PDZD7: variants seen among roughly 807,000 people sequenced by gnomAD.
PDZD7 encodes PDZ domain containing 7, also known as PDZ domain-containing protein 7.
A neutral mutation model predicts 84.7 loss-of-function variants in PDZD7; 72 were observed. That is an observed-to-expected ratio of 0.85 (90% CI 0.70 to 1.03). The LOEUF (loss-of-function observed/expected upper bound fraction) is 1.03, where lower values mean the gene tolerates loss of function less well. Among genes scored for constraint, PDZD7 ranks in the 50% least tolerant of loss-of-function variants. PDZD7 has a pLI of 0.00. For synonymous variants in PDZD7, 594 were observed against 580.7 expected, an observed-to-expected ratio of 1.02 and a Z score of -0.33; for missense variants, 1,490 against 1,412.9, an observed-to-expected ratio of 1.05 and a Z score of -0.87.
chr10:101,020,175 T>C (rs941344728), intron 7 of PDZD7, among the ~76,000 whole-genome samples: 3 of 152,124 alleles, frequency 2.0e-5, no homozygotes, highest in African/African-American at 7.2e-5. Flanking sequence ...CAATGGCATC[T>C]CTGCTCACTG....
At chr10:101,029,635 C>T (rs780318032) in intron 2 of PDZD7, among the ~76,000 whole-genome samples, 5 of 152,208 alleles carry the variant, frequency 3.3e-5, no homozygotes, top group South Asian at 2.1e-4. Flanking sequence ...CCCCATCCCC[C>T]AGAAGTACAC....
chr10:101,022,153 C>T lies in PDZD7; in HGVS notation c.719+56G>A, dbSNP rs1853146060. 8 of 1,608,922 alleles carry T rather than the reference C, an allele frequency of 5.0e-6. No individual in the cohort carries two copies. In the Admixed American group the frequency reaches 1.0e-4, roughly 20 times the overall value. ...CATCCCCACATCCCAGCCTAGGCCC[C>T]ACTCCAGACCCCATTCTCAGTTCTA... On this transcript the variant is annotated intron_variant, in intron 5 of 16. Transcript: ENST00000619208.
chr10:101,018,728 G>T, intron 8 of PDZD7, 94 bp downstream of exon 8: 3 of 1,439,898 alleles, frequency 2.1e-6, no homozygotes, highest in Non-Finnish European at 2.8e-6. Context: ...GTCAAGGCCT[G>T]GGGCAAAGGG....
At chr10:101,009,832 C>T (rs1306068980) in intron 15 of PDZD7, among the ~76,000 whole-genome samples, 2 of 152,124 alleles carry the variant, frequency 1.3e-5, no homozygotes, top group Non-Finnish European at 2.9e-5. Context: ...GTCTTGAACT[C>T]CTGACCTCAG....
At position 101,023,442 on chromosome 10, in the gene PDZD7, G is replaced by A. The variant is rs773601687; in HGVS notation, c.536C>T (p.Thr179Ile). Residue 179 changes from threonine to isoleucine, a missense_variant, in exon 4 of 17, where the codon ACC (threonine) becomes ATC (isoleucine). By Grantham distance (89) the Thr-to-Ile change is moderately conservative (BLOSUM62 -1). Coordinates refer to ENST00000619208, the MANE Select transcript of PDZD7 (RefSeq NM_001195263.2). ...VPGIKFSKEKTTWVDVVNRRL... is the reference protein window; with the variant it reads ...VPGIKFSKEKITWVDVVNRRL... ...TGAGGGAGTTGCTGCTCACCACGTG[G>A]TCTTCTCCTTGGAGAACTTGATGCC... The A allele has an allele frequency of 6.2e-7, 1 of 1,614,092 alleles. No homozygotes were observed. The highest frequency in any genetic ancestry group is 1.7e-5 in the Admixed American group (1 of 60,022).
chr10:101,022,412 TG>T lies in PDZD7; in HGVS notation c.543-28del, dbSNP rs769129333. ...TGGACAACAGCAGGGGGCCCTCAGG[TG>T]GGGTCCTCCATCCACTGCCACCCAC... On this transcript the variant is annotated intron_variant, in intron 4 of 16. Transcript: ENST00000619208. 3 of 1,613,148 alleles carry T rather than the reference TG, an allele frequency of 1.9e-6. No homozygotes were observed. In the South Asian group the frequency reaches 3.3e-5, roughly 18 times the overall value.
In PDZD7 at chr10:101,017,871, GAAA is replaced by G. The variant is rs1482387990; in HGVS notation, c.1522+225_1522+227del. The G allele has an allele frequency of 2.0e-4, 86 of 439,200 alleles. 2 individuals are homozygous for G. Among genetic ancestry groups the G allele is most frequent in the African/African-American group, 1.8e-3 (71 of 39,686 alleles). 27.2% of individuals were successfully genotyped at this position (439,200 alleles called of 1,614,324 possible). ...AGAAAGAAAGAAAGAAAGAAAGAAA[GAAA>G]GAAAGAAAGAAAGAAAGAAAAGAAA... On this transcript the variant is annotated intron_variant, in intron 9 of 16. Transcript: ENST00000619208.
Position 101,015,722 on chromosome 10 carries a change from C to T in PDZD7, c.1663G>A (p.Glu555Lys), listed in dbSNP as rs903994916. The part of the protein sequence containing the change: ...PNVDEQVQAW[E>K]SRRPLIQDLA... ...TCCTGAATGAGGGGCCGCCGGCTCT[C>T]CCAGGCCTGAACCTGCTCATCCACA... is the stretch of plus-strand genomic sequence containing the variant. Residue 555 changes from glutamate (E) to lysine (K), a missense_variant, in exon 11 of 17, where the codon GAG becomes AAG. Transcript: ENST00000619208. 1.0e-5 allele frequency: 16 copies of T among 1,550,166 alleles called. No individual in the cohort carries two copies. Among genetic ancestry groups the T allele is most frequent in the African/African-American group, 6.8e-5 (5 of 73,044 alleles).
At chr10:101,023,369 T>A (rs1853235696) in intron 4 of PDZD7, 67 bp downstream of exon 4, 1 of 1,584,544 alleles carries the variant, frequency 6.3e-7, no homozygotes, top group Non-Finnish European at 8.6e-7. Context: ...CAGTGGGTTT[T>A]GGGTGTTGGT....
In PDZD7 at chr10:101,008,555, C is replaced by T. The variant is rs1246527490; in HGVS notation, c.3014G>A (p.Arg1005Lys). 1 of 1,535,620 alleles carries T rather than the reference C, an allele frequency of 6.5e-7. No homozygotes were observed. Among genetic ancestry groups the T allele is most frequent in the African/African-American group, 1.4e-5 (1 of 72,970 alleles). Reference protein sequence around the residue: ...TNPQTPPTDARLLQPTPSPAP... With the variant: ...TNPQTPPTDAKLLQPTPSPAP... Reference sequence around the variant, plus strand: ...TGGGCTGGGAGTTGGCTGGAGGAGCCTGGCATCAGTGGGAGGAGTCTGGGG... The same window carrying T: ...TGGGCTGGGAGTTGGCTGGAGGAGCTTGGCATCAGTGGGAGGAGTCTGGGG... Residue 1005 changes from arginine to lysine, a missense_variant, in exon 17 of 17, where the codon AGG becomes AAG. Coordinates refer to ENST00000619208, the MANE Select transcript of PDZD7 (RefSeq NM_001195263.2).
At chr10:101,024,121 G>A in intron 2 of PDZD7, 53 bp from the exon 3 acceptor site, 1 of 1,613,704 alleles carries the variant, frequency 6.2e-7, no homozygotes. Context: ...GGCACAGAGG[G>A]CCCCTGGGTT....
At chr10:101,017,892 AAAAGAAAG>A (rs780560274) in intron 9 of PDZD7, 199 bp downstream of exon 9, 4 of 136,334 alleles carry the variant, frequency 2.9e-5, no homozygotes, top group East Asian at 1.8e-4. Flanking sequence ...AGAAAGAAAG[AAAAGAAAG>A]AAAGAAAGAA....
At chr10:101,022,182 G>A (rs181835888) in intron 5 of PDZD7, 27 bp downstream of exon 5, 77 of 1,613,446 alleles carry the variant, frequency 4.8e-5, no homozygotes, top group African/African-American at 2.3e-4. Flanking sequence ...AGTTCTACCC[G>A]AAGACACTTC....
At position 101,016,276 on chromosome 10, in the gene PDZD7, T is replaced by G. The variant is rs548876482; in HGVS notation, c.1573+101A>C. On this transcript the variant is annotated intron_variant, in intron 10 of 16. Coordinates refer to ENST00000619208, the MANE Select transcript of PDZD7 (RefSeq NM_001195263.2). ...CTGCCTGATCCCCCATGCTTGACCC[T>G]GACTGAATTTAGTCCAGAGCCACTC... 2.8e-4 allele frequency: 352 copies of G among 1,239,980 alleles called. 1 individual carries two copies. Among genetic ancestry groups the G allele is most frequent in the Middle Eastern group, 2.6e-3 (14 of 5,422 alleles). The allele number at this position is 1,239,980 out of a possible 1,614,324, so 76.8% of individuals were successfully genotyped here.
chr10:101,016,843 G>C (rs1434027101), intron 9 of PDZD7, among the ~76,000 whole-genome samples: 1 of 152,108 alleles, frequency 6.6e-6, no homozygotes, highest in Non-Finnish European at 1.5e-5. Flanking sequence ...TGTGGGAAGA[G>C]AGATGCACTG....
chr10:101,015,708 G>A lies in PDZD7; in HGVS notation c.1677C>T (p.Pro559=). Residue 559 remains proline (P), a synonymous_variant, in exon 11 of 17, where the codon CCC becomes CCT. Coordinates refer to ENST00000619208, the MANE Select transcript of PDZD7 (RefSeq NM_001195263.2). ...EQVQAWESRR[P]LIQDLAQRLL... Reference sequence around the variant, plus strand: ...GCCTCTGGGCCAGGTCCTGAATGAGGGGCCGCCGGCTCTCCCAGGCCTGAA... The same window carrying A: ...GCCTCTGGGCCAGGTCCTGAATGAGAGGCCGCCGGCTCTCCCAGGCCTGAA... 3 of 1,550,352 alleles carry A rather than the reference G, an allele frequency of 1.9e-6. No homozygotes were observed. Among genetic ancestry groups the A allele is most frequent in the Non-Finnish European group, 2.6e-6 (3 of 1,146,960 alleles).
intron 11 of PDZD7, among the ~76,000 whole-genome samples, chr10:101,015,330 C>T (rs959032637): frequency 6.6e-6 from 1 of 152,192 alleles, no homozygotes. Context: ...GGAGGGCCTC[C>T]CAGCCCACAC....
At chr10:101,029,075 A>G (rs1029927092) in intron 2 of PDZD7, among the ~76,000 whole-genome samples, 1 of 152,192 alleles carries the variant, frequency 6.6e-6, no homozygotes, top group Non-Finnish European at 1.5e-5. Flanking sequence ...GGAGCTGGAG[A>G]TATTTATCTG....
At chr10:101,013,800 A>C (rs1258882758) in intron 11 of PDZD7, among the ~76,000 whole-genome samples, 5 of 151,696 alleles carry the variant, frequency 3.3e-5, no homozygotes, top group Non-Finnish European at 5.9e-5. Context: ...ACAATGGGTC[A>C]CCAGGTGGCC....
Sources: gnomAD v4.1 joint callset for allele counts (sites outside exome capture counted in the v4.1 genomes callset) on GRCh38, gnomAD v4.1.1 for gene constraint, MANE v1.5 for transcripts, NCBI Gene and HGNC (gene_info 2026-07-23, HGNC 2026-07-21) for gene names.